The following ROBO2 variants were observed in gnomAD, a reference collection of about 807,000 sequenced individuals.
ROBO2 encodes the protein roundabout guidance receptor 2.
In ROBO2, 53 loss-of-function variants were observed where a neutral mutation model predicts 160.8. That is an observed-to-expected ratio of 0.33 (90% confidence interval 0.26 to 0.41). The LOEUF is 0.41. Among genes scored for constraint, ROBO2 ranks in the 10% least tolerant of loss-of-function variants. The pLI is 1.00. For missense variants in ROBO2, 1,577 were observed against 1,722.4 expected (o/e 0.92, Z 1.49); for synonymous variants, 664 against 611.7 (o/e 1.09, Z -1.26).
intron 2 of ROBO2, among the ~76,000 whole-genome samples, chr3:76,008,216 CAG>C (rs1356799000): frequency 9.6e-6 from 1 of 104,324 alleles, no homozygotes; most frequent in Non-Finnish European, 1.7e-5. Context: ...GACTGAGTGA[CAG>C]AGCAAGACTC....
chr3:75,961,286 C>A (rs1425496535), intron 2 of ROBO2, among the ~76,000 whole-genome samples: 1 of 151,592 alleles, frequency 6.6e-6, no homozygotes, highest in Non-Finnish European at 1.5e-5. Flanking sequence ...TTTAACATTA[C>A]ACTAAGTGAT....
At position 76,928,434 on chromosome 3, in the gene ROBO2, GCTA is replaced by G. The variant is rs1433333952; in HGVS notation, c.110-169576_110-169574del. ...ACATACACAATTGTGTTGTTTGTGT[GCTA>G]CTAAGTTTATGATAATTTTTTTTTT... On this transcript the variant is annotated intron_variant, in intron 2 of 26. Coordinates refer to the ROBO2 transcript ENST00000487694. Among the ~76,000 whole-genome samples, 8 of 150,144 alleles carry G rather than the reference GCTA, an allele frequency of 5.3e-5. No homozygotes were observed. In the East Asian group the frequency reaches 9.8e-4, roughly 18 times the overall value.
At chr3:77,125,518 T>C (rs1047016072) in intron 2 of ROBO2, among the ~76,000 whole-genome samples, 1 of 152,178 alleles carries the variant, frequency 6.6e-6, no homozygotes, top group Non-Finnish European at 1.5e-5. Context: ...AGGCACACAA[T>C]ATTCTTTCTT....
chr3:76,945,173 T>TGATAGAA (rs1201782232), intron 2 of ROBO2, among the ~76,000 whole-genome samples: 6 of 152,122 alleles, frequency 3.9e-5, no homozygotes, highest in Non-Finnish European at 8.8e-5. Context: ...AACAGCAGAA[T>TGATAGAA]ATGGTAGAAG....
chr3:77,142,989 G>C (rs1176572849), intron 2 of ROBO2, among the ~76,000 whole-genome samples: 1 of 151,970 alleles, frequency 6.6e-6, no homozygotes, highest in South Asian at 2.1e-4. Context: ...GAATAAGGCC[G>C]GGAGAAATGA....
At chr3:77,472,551 T>A (rs2083460183) in intron 2 of ROBO2, among the ~76,000 whole-genome samples, 1 of 152,292 alleles carries the variant, frequency 6.6e-6, no homozygotes, top group South Asian at 2.1e-4. Context: ...CTAAGTGAAC[T>A]ATTTATATGT....
chr3:76,763,169 C>T lies in ROBO2; in HGVS notation c.110-334845C>T, dbSNP rs183579575. ...GCGTGAACATTCTTAACATCAATCA[C>T]GCACTAAAAGGTTTTGTCATATACC... On this transcript the variant is annotated intron_variant, in intron 2 of 26. Transcript: ENST00000487694. 5.5e-3 allele frequency among the ~76,000 whole-genome samples: 487 copies of T among 89,340 alleles called. 2 individuals carry two copies. The highest frequency in any genetic ancestry group is 0.019 in the African/African-American group (437 of 23,096). The allele number at this position is 89,340 out of a possible 152,430, so 58.6% of individuals were successfully genotyped here.
At chr3:76,650,328 G>A (rs1315586735) in intron 2 of ROBO2, among the ~76,000 whole-genome samples, 6 of 152,090 alleles carry the variant, frequency 3.9e-5, no homozygotes, top group Admixed American at 2.0e-4. Context: ...AGGAGACAGC[G>A]TGCCTTCGTT....
intron 2 of ROBO2, among the ~76,000 whole-genome samples, chr3:76,038,532 C>T (rs1038105110): frequency 6.6e-6 from 1 of 151,918 alleles, no homozygotes; most frequent in Non-Finnish European, 1.5e-5. Context: ...AAGGCACAGT[C>T]TACCCGTTCC....
At chr3:76,811,803 TTCCTTCCTTCC>T (rs2065186409) in intron 2 of ROBO2, among the ~76,000 whole-genome samples, 2 of 60,658 alleles carry the variant, frequency 3.3e-5, no homozygotes, top group Non-Finnish European at 7.2e-5. Context: ...CCTTCCTTCC[TTCCTTCCTTCC>T]TTCCTTCCTT....
intron 2 of ROBO2, among the ~76,000 whole-genome samples, chr3:76,845,699 A>G (rs998128590): frequency 5.9e-5 from 9 of 152,006 alleles, no homozygotes; most frequent in African/African-American, 2.2e-4. Context: ...TTCTTCAATC[A>G]TGCTTACACA....
chr3:77,636,357 G>A (rs556802003), intron 24 of ROBO2, among the ~76,000 whole-genome samples: 1 of 152,216 alleles, frequency 6.6e-6, no homozygotes, highest in African/African-American at 2.4e-5. Flanking sequence ...ACTGTAGGAG[G>A]CTGAGGCGGG....
chr3:77,064,101 G>A (rs565216327), intron 1 of ROBO2, among the ~76,000 whole-genome samples: 1 of 152,212 alleles, frequency 6.6e-6, no homozygotes, highest in South Asian at 2.1e-4. Context: ...GTCATAAAAG[G>A]TAAATGCTTG....
At chr3:76,124,121 T>C (rs531029670) in intron 2 of ROBO2, among the ~76,000 whole-genome samples, 1,479 of 147,226 alleles carry the variant, frequency 0.01, 24 homozygotes, top group African/African-American at 0.033. Flanking sequence ...AGAATCAGAG[T>C]GCTTAAATAT....
At chr3:76,408,732 G>A (rs1218080024) in intron 2 of ROBO2, among the ~76,000 whole-genome samples, 1 of 152,024 alleles carries the variant, frequency 6.6e-6, no homozygotes, top group African/African-American at 2.4e-5. Flanking sequence ...GAAAATAAAA[G>A]ATAGATAAAA....
At chr3:77,487,161 A>G (rs889848906) in intron 4 of ROBO2, among the ~76,000 whole-genome samples, 2 of 152,130 alleles carry the variant, frequency 1.3e-5, no homozygotes, top group Non-Finnish European at 2.9e-5. Context: ...CCCACACCTT[A>G]AGAAGTATCT....
intron 2 of ROBO2, among the ~76,000 whole-genome samples, chr3:77,017,913 G>C (rs755400862): frequency 1.6e-4 from 24 of 151,968 alleles, no homozygotes; most frequent in Non-Finnish European, 3.5e-4. Flanking sequence ...CAATGACCTT[G>C]AACAGTAGGA....
chr3:76,588,282 G>A (rs2086183716), intron 2 of ROBO2, among the ~76,000 whole-genome samples: 1 of 152,138 alleles, frequency 6.6e-6, no homozygotes, highest in Admixed American at 6.5e-5. Context: ...AATCCCTGAT[G>A]GATGTAATTC....
intron 2 of ROBO2, among the ~76,000 whole-genome samples, chr3:76,550,980 G>A (rs1023925440): frequency 1.1e-4 from 17 of 152,038 alleles, no homozygotes; most frequent in Non-Finnish European, 5.9e-5. Flanking sequence ...GTTCCTGGGC[G>A]GAAAGTGTTG....
Sources: allele counts gnomAD v4.1 joint callset (sites outside exome capture counted in the v4.1 genomes callset), GRCh38; gene constraint gnomAD v4.1.1; transcripts MANE v1.5; gene names NCBI Gene and HGNC (gene_info 2026-07-23, HGNC 2026-07-21).